TENM3: variants seen among roughly 807,000 people sequenced by gnomAD.
TENM3 encodes teneurin-3.
TENM3 carries 63 observed loss-of-function variants against 255.1 expected under a neutral mutation model. The observed-to-expected ratio is 0.25, with a 90% CI of 0.20 to 0.30. The LOEUF is 0.30. Among genes scored for constraint, TENM3 ranks in the 10% least tolerant of loss-of-function variants. TENM3 has a pLI of 1.00. For missense variants in TENM3, 2,929 were observed against 3,461.1 expected (o/e 0.85, Z 3.86); for synonymous variants, 1,306 against 1,322.3 (o/e 0.99, Z 0.27).
At chr4:181,641,703 A>ATATATTG in the TENM3 span, among the ~76,000 whole-genome samples, 1 of 121,752 alleles carries the variant, frequency 8.2e-6, no homozygotes, top group South Asian at 2.4e-4. Context: ...TGTATAATAT[A>ATATATTG]TATATTATAT....
At chr4:181,493,629 C>T in the TENM3 span, among the ~76,000 whole-genome samples, 1 of 151,992 alleles carries the variant, frequency 6.6e-6, no homozygotes, top group African/African-American at 2.4e-5. Flanking sequence ...TGCCTGTAAC[C>T]TCAGCTACTT....
At chr4:181,926,615 C>T in the TENM3 span, among the ~76,000 whole-genome samples, 1 of 152,054 alleles carries the variant, frequency 6.6e-6, no homozygotes, top group Non-Finnish European at 1.5e-5. Flanking sequence ...GAAGCTGTTG[C>T]ATTTCCCTAC....
chr4:182,547,765 A>G (rs775449836), intron 3 of TENM3, among the ~76,000 whole-genome samples: 2 of 152,196 alleles, frequency 1.3e-5, no homozygotes, highest in Non-Finnish European at 2.9e-5. Flanking sequence ...AGGAACCAAA[A>G]TCATATTTTA....
the TENM3 span, among the ~76,000 whole-genome samples, chr4:181,760,999 C>CACACACACACACACACACACACACAT: frequency 2.1e-5 from 3 of 145,524 alleles, no homozygotes; most frequent in African/African-American, 7.7e-5. Flanking sequence ...CACACACACA[C>CACACACACACACACACACACACACAT]ACACACACAC....
chr4:182,605,115 G>A (rs2152420243), intron 4 of TENM3, among the ~76,000 whole-genome samples: 1 of 152,306 alleles, frequency 6.6e-6, no homozygotes, highest in South Asian at 2.1e-4. Flanking sequence ...CCTATATGGG[G>A]TAGCTTTCCT....
the TENM3 span, among the ~76,000 whole-genome samples, chr4:181,581,402 C>T: frequency 1.3e-5 from 2 of 152,248 alleles, no homozygotes; most frequent in Admixed American, 1.3e-4. Flanking sequence ...GATAGTGCCA[C>T]TGCCCTCCAG....
chr4:182,022,088 G>A, the TENM3 span, among the ~76,000 whole-genome samples: 426 of 151,752 alleles, frequency 2.8e-3, no homozygotes, highest in African/African-American at 9.7e-3. Flanking sequence ...TTCTGCACTC[G>A]TATGTTTATA....
the TENM3 span, among the ~76,000 whole-genome samples, chr4:182,075,102 G>C: frequency 6.9e-6 from 1 of 145,640 alleles, no homozygotes; most frequent in Non-Finnish European, 1.5e-5. Context: ...CATGCAAGAA[G>C]CAGGCCCAGT....
At chr4:182,330,385 C>T (rs7681984) in intron 2 of TENM3, among the ~76,000 whole-genome samples, 12,659 of 152,244 alleles carry the variant, frequency 0.083, 560 homozygotes, top group African/African-American at 0.11. Context: ...GCAAGGTCTG[C>T]TCGTTCAGAT....
chr4:182,460,072 T>G (rs1415752683), intron 3 of TENM3, among the ~76,000 whole-genome samples: 2 of 152,104 alleles, frequency 1.3e-5, no homozygotes, highest in Admixed American at 1.3e-4. Context: ...ACGAGGTACC[T>G]TGTTGGAAGG....
chr4:182,050,330 G>C, the TENM3 span, among the ~76,000 whole-genome samples: 30 of 152,162 alleles, frequency 2.0e-4, no homozygotes, highest in African/African-American at 6.0e-4. Context: ...TGTATCCCTT[G>C]TTGGAATACA....
chr4:182,313,036 G>T (rs1430469260), intron 1 of TENM3, among the ~76,000 whole-genome samples: 2 of 152,082 alleles, frequency 1.3e-5, no homozygotes, highest in Admixed American at 6.5e-5. Context: ...CCATGCAAAT[G>T]AATTGTTTTG....
chr4:181,526,706 G>A, the TENM3 span, among the ~76,000 whole-genome samples: 4 of 152,176 alleles, frequency 2.6e-5, no homozygotes, highest in African/African-American at 9.6e-5. Flanking sequence ...TTGTAATTGG[G>A]ACTTTATAAC....
chr4:181,943,187 A>G, the TENM3 span, among the ~76,000 whole-genome samples: 1 of 152,150 alleles, frequency 6.6e-6, no homozygotes, highest in Non-Finnish European at 1.5e-5. Flanking sequence ...GGTAGATTGT[A>G]ACAACCTGTG....
At chr4:182,534,533 T>C (rs1379371816) in intron 3 of TENM3, among the ~76,000 whole-genome samples, 1 of 152,238 alleles carries the variant, frequency 6.6e-6, no homozygotes, top group Non-Finnish European at 1.5e-5. Context: ...GTAATGTGTG[T>C]GTACACAGTG....
intron 3 of TENM3, among the ~76,000 whole-genome samples, chr4:182,355,728 G>A (rs1032826220): frequency 1.3e-5 from 2 of 152,080 alleles, no homozygotes; most frequent in African/African-American, 4.8e-5. Context: ...ATTGGGGGAA[G>A]AGAAACATTT....
At chr4:181,877,473 A>C in the TENM3 span, among the ~76,000 whole-genome samples, 1 of 152,166 alleles carries the variant, frequency 6.6e-6, no homozygotes, top group Non-Finnish European at 1.5e-5. Flanking sequence ...TACTTTCTTT[A>C]GTTTTTTTAT....
At chr4:181,768,426 T>C in the TENM3 span, among the ~76,000 whole-genome samples, 2 of 152,226 alleles carry the variant, frequency 1.3e-5, no homozygotes, top group African/African-American at 4.8e-5. Flanking sequence ...ATTGTGTGTT[T>C]AAGCAATTCC....
At chr4:182,691,328 G>A (rs11731962) in intron 12 of TENM3, among the ~76,000 whole-genome samples, 42,241 of 152,138 alleles carry the variant, frequency 0.28, 6,429 homozygotes, top group Non-Finnish European at 0.35. Context: ...TCCATATTAT[G>A]TGCCATCTCA....
Sources: gnomAD v4.1 joint callset for allele counts (sites outside exome capture counted in the v4.1 genomes callset) on GRCh38, gnomAD v4.1.1 for gene constraint, MANE v1.5 for transcripts, NCBI Gene and HGNC (gene_info 2026-07-23, HGNC 2026-07-21) for gene names.